The following PRKCQ variants were observed in gnomAD, a reference collection of about 807,000 sequenced individuals.
PRKCQ encodes protein kinase C theta, also known as protein kinase C theta type.
Under a neutral mutation model 91.2 loss-of-function variants are expected in PRKCQ, and 41 were observed. The observed-to-expected ratio is 0.45, with a 90% CI of 0.35 to 0.58. The LOEUF is 0.58. Among genes scored for constraint, PRKCQ ranks in the 20% least tolerant of loss-of-function variants. PRKCQ has a pLI of 0.00. For missense variants in PRKCQ, 673 were observed against 896.5 expected (o/e 0.75, Z 3.18); for synonymous variants, 307 against 316.9 (o/e 0.97, Z 0.33).
intron 1 of PRKCQ, among the ~76,000 whole-genome samples, chr10:6,523,351 C>T (rs1839086613): frequency 6.6e-6 from 1 of 151,840 alleles, no homozygotes; most frequent in Non-Finnish European, 1.5e-5. Flanking sequence ...CTCGGGAGGC[C>T]AAAGTGGAAG....
intron 8 of PRKCQ, chr10:6,489,330 A>C (rs1410889543): frequency 2.1e-6 from 1 of 480,782 alleles, no homozygotes; most frequent in African/African-American, 2.0e-5. Context: ...CTTCTCTGTG[A>C]CTTGCATGGC....
At chr10:6,498,766 T>C (rs761763004) in intron 4 of PRKCQ, among the ~76,000 whole-genome samples, 64 of 152,182 alleles carry the variant, frequency 4.2e-4, no homozygotes, top group Non-Finnish European at 7.6e-4. Context: ...ATAGGGCATA[T>C]TGTTAGAGGG....
chr10:6,426,366 C>T (rs892185382), downstream of PRKCQ, among the ~76,000 whole-genome samples: 2 of 152,216 alleles, frequency 1.3e-5, no homozygotes, highest in African/African-American at 4.8e-5. Flanking sequence ...CGGGCGGCTC[C>T]CTGCCCTCCA....
intron 1 of PRKCQ, among the ~76,000 whole-genome samples, chr10:6,517,635 A>C (rs1224975403): frequency 9.9e-6 from 1 of 100,932 alleles, no homozygotes; most frequent in Non-Finnish European, 1.8e-5. Flanking sequence ...AACCTTTCCC[A>C]GATTTAGGGA....
At chr10:6,463,004 C>CAA (rs57879218) in intron 13 of PRKCQ, among the ~76,000 whole-genome samples, 12,243 of 126,936 alleles carry the variant, frequency 0.096, 605 homozygotes, top group Middle Eastern at 0.19. Flanking sequence ...GACTCTGACT[C>CAA]AAAAAAAAAA....
At position 6,568,385 on chromosome 10, in the gene PRKCQ, T is replaced by C. The variant is rs118112904; in HGVS notation, c.-10+11826A>G. Among the ~76,000 whole-genome samples the C allele has an allele frequency of 3.5e-4, 54 of 152,320 alleles. 1 individual carries two copies. In the East Asian group the frequency reaches 9.4e-3, roughly 27 times the overall value. On this transcript the variant is annotated intron_variant, in intron 1 of 17. Transcript: ENST00000263125. ...ATTTTTTCTTTATTAAAATCACTTA[T>C]GAATTTTTGCTATGTCTACATTTTA...
intron 1 of PRKCQ, among the ~76,000 whole-genome samples, chr10:6,521,087 C>T (rs1166085459): frequency 6.6e-6 from 1 of 152,160 alleles, no homozygotes; most frequent in Non-Finnish European, 1.5e-5. Flanking sequence ...AGTGCCAGCG[C>T]CCATGCTGCT....
intron 1 of PRKCQ, among the ~76,000 whole-genome samples, chr10:6,545,926 C>T (rs1247647099): frequency 1.3e-5 from 2 of 152,010 alleles, no homozygotes; most frequent in African/African-American, 2.4e-5. Flanking sequence ...ATCGCTTGAA[C>T]CCAGGAGGTG....
At chr10:6,548,427 T>A (rs1234230068) in intron 1 of PRKCQ, among the ~76,000 whole-genome samples, 1 of 151,230 alleles carries the variant, frequency 6.6e-6, no homozygotes, top group African/African-American at 2.4e-5. Context: ...TAAAGACACA[T>A]GCACACATAT....
chr10:6,510,870 T>C (rs1043662031), intron 3 of PRKCQ, 125 bp downstream of exon 3: 1 of 979,098 alleles, frequency 1.0e-6, no homozygotes, highest in Non-Finnish European at 1.6e-6. Flanking sequence ...CAGTAGGAAG[T>C]GGTAGGGAGC....
At chr10:6,554,288 A>G (rs959630462) in intron 1 of PRKCQ, among the ~76,000 whole-genome samples, 3 of 152,230 alleles carry the variant, frequency 2.0e-5, no homozygotes, top group African/African-American at 7.2e-5. Flanking sequence ...CCGAAGAGAG[A>G]GAACTCTCCA....
downstream of PRKCQ, among the ~76,000 whole-genome samples, chr10:6,426,828 C>G (rs953563717): frequency 2.2e-4 from 34 of 152,328 alleles, no homozygotes; most frequent in African/African-American, 7.9e-4. Context: ...CTTCCTCACC[C>G]TTTGTCTTAC....
At chr10:6,534,787 TATATAG>T (rs1286970650) in intron 1 of PRKCQ, among the ~76,000 whole-genome samples, 8 of 145,518 alleles carry the variant, frequency 5.5e-5, no homozygotes, top group African/African-American at 2.0e-4. Context: ...TATATATATA[TATATAG>T]ATATATATAT....
chr10:6,397,308 T>G, the PRKCQ span, among the ~76,000 whole-genome samples: 13 of 152,200 alleles, frequency 8.5e-5, no homozygotes. Context: ...TTGGCCAAGC[T>G]GGTCTCGAAC....
At chr10:6,475,139 C>G (rs556837651) in intron 12 of PRKCQ, among the ~76,000 whole-genome samples, 1 of 152,270 alleles carries the variant, frequency 6.6e-6, no homozygotes, top group South Asian at 2.1e-4. Flanking sequence ...ACAGAAAATT[C>G]ATTGTGAAGA....
intron 15 of PRKCQ, 48 bp from the exon 16 acceptor site, chr10:6,442,129 G>T (rs1280941432): frequency 6.4e-7 from 1 of 1,565,832 alleles, no homozygotes; most frequent in Non-Finnish European, 8.7e-7. Flanking sequence ...TGAGGCTGAG[G>T]AGTGACAACT....
At chr10:6,468,150 A>T (rs1835781841) in intron 12 of PRKCQ, among the ~76,000 whole-genome samples, 2 of 152,360 alleles carry the variant, frequency 1.3e-5, no homozygotes, top group African/African-American at 4.8e-5. Context: ...GGAGCAGATA[A>T]AGGTCCTAGA....
chr10:6,453,816 C>G (rs1446255723), intron 15 of PRKCQ, among the ~76,000 whole-genome samples: 1 of 151,256 alleles, frequency 6.6e-6, no homozygotes, highest in East Asian at 1.9e-4. Flanking sequence ...TAAACTATCG[C>G]AAGGACAAAA....
rs375923852 is a variant in PRKCQ, at chr10:6,486,188, C to T, written c.791-44G>A. 7.9e-6 allele frequency: 12 copies of T among 1,515,276 alleles called. No individual in the cohort carries two copies. The African/African-American group carries it at 9.6e-5, about 12-fold the overall frequency. The allele number at this position is 1,515,276 out of a possible 1,614,324, so 93.9% of individuals were successfully genotyped here. A position where few individuals can be genotyped will look rare whatever the true frequency, so the allele number is the denominator to read the frequency against. On this transcript the variant is annotated intron_variant, in intron 8 of 17. Coordinates refer to ENST00000263125, the MANE Select transcript of PRKCQ (RefSeq NM_006257.5). ...ATAGTGAGCAAGAGTGGAAGAACCC[C>T]CTGGTGCTAAACAACTCTCTCTGGA...
Sources: allele counts gnomAD v4.1 joint callset (sites outside exome capture counted in the v4.1 genomes callset), GRCh38; gene constraint gnomAD v4.1.1; transcripts MANE v1.5; gene names NCBI Gene and HGNC (gene_info 2026-07-23, HGNC 2026-07-21).